Variants in SEMA3A observed in about 807,000 individuals in gnomAD.
The protein encoded by SEMA3A is semaphorin-3A.
A neutral mutation model predicts 97.9 loss-of-function variants in SEMA3A; 29 were observed. The ratio of observed to expected loss-of-function variants is 0.30; its 90% CI spans 0.22 to 0.40. The LOEUF is 0.40. SEMA3A is among the 10% of genes least tolerant of loss of function. The probability of loss-of-function intolerance (pLI) is 1.00; values close to 1 mark genes in which losing one functional copy is unlikely to be tolerated. For synonymous variants in SEMA3A, 321 were observed against 323.7 expected (o/e 0.99, Z 0.09); for missense variants, 763 against 951.3 (o/e 0.80, Z 2.60).
Position 83,961,780 on chromosome 7 carries a change from A to C in SEMA3A, c.1907T>G (p.Leu636Arg). ...HIIRTDQGLLLRSLQQKDSGN... is the reference protein window; with the variant it reads ...HIIRTDQGLLRRSLQQKDSGN... ...TGAATCCTTCTGTTGTAGACTACGTAGCAGAAGGCCTTGATCTGTCCTGAT... is the reference window on the plus strand; with the variant it reads ...TGAATCCTTCTGTTGTAGACTACGTCGCAGAAGGCCTTGATCTGTCCTGAT... The change falls in exon 17 of 17, where the codon CTA (leucine) becomes CGA (arginine). Residue 636 changes from leucine to arginine, a missense_variant. Coordinates refer to ENST00000265362, the MANE Select transcript of SEMA3A (RefSeq NM_006080.3). The C allele has an allele frequency of 6.2e-7, 1 of 1,613,994 alleles. No individual in the cohort carries two copies. Among genetic ancestry groups the C allele is most frequent in the South Asian group, 1.1e-5 (1 of 91,078 alleles).
At chr7:84,139,412 C>G (rs1188524924) in intron 1 of SEMA3A, among the ~76,000 whole-genome samples, 1 of 152,060 alleles carries the variant, frequency 6.6e-6, no homozygotes, top group African/African-American at 2.4e-5. Flanking sequence ...TTTCAGAACA[C>G]TCTTTAATAA....
intron 1 of SEMA3A, among the ~76,000 whole-genome samples, chr7:84,409,337 A>T (rs543040193): frequency 2.5e-4 from 38 of 151,852 alleles, no homozygotes; most frequent in African/African-American, 6.3e-4. Flanking sequence ...TCAATTTTTT[A>T]AAATAAAAAA....
At chr7:84,046,579 T>C (rs758872756) in intron 5 of SEMA3A, 136 bp from the exon 6 acceptor site, 112 of 891,964 alleles carry the variant, frequency 1.3e-4, no homozygotes, top group Non-Finnish European at 1.8e-4. Flanking sequence ...TGCATCATTA[T>C]GCAGTTACTT....
intron 1 of SEMA3A, among the ~76,000 whole-genome samples, chr7:84,472,875 A>T (rs1402300857): frequency 6.6e-6 from 1 of 152,174 alleles, no homozygotes; most frequent in Non-Finnish European, 1.5e-5. Context: ...ATTACCTCCC[A>T]AAGTGGCAGA....
intron 12 of SEMA3A, among the ~76,000 whole-genome samples, chr7:83,994,598 G>T (rs1431757465): frequency 7.0e-6 from 1 of 142,818 alleles, no homozygotes; most frequent in Non-Finnish European, 1.5e-5. Context: ...GTGTGCCCCT[G>T]CTGGGGGGTG....
At chr7:84,208,213 G>A (rs1323893015) in intron 3 of SEMA3A, among the ~76,000 whole-genome samples, 1 of 152,116 alleles carries the variant, frequency 6.6e-6, no homozygotes, top group Admixed American at 6.5e-5. Flanking sequence ...AGCACTTTGG[G>A]AGGCCAAGGG....
chr7:84,237,941 G>T (rs1799273647), intron 3 of SEMA3A, among the ~76,000 whole-genome samples: 2 of 152,072 alleles, frequency 1.3e-5, no homozygotes, highest in Admixed American at 1.3e-4. Flanking sequence ...ATAAAAAGAA[G>T]ACAGTACTAT....
chr7:84,037,763 T>G (rs1791993590), intron 6 of SEMA3A, among the ~76,000 whole-genome samples: 1 of 151,978 alleles, frequency 6.6e-6, no homozygotes, highest in African/African-American at 2.4e-5. Context: ...TGAATAGATT[T>G]TTAAAGTAAT....
intron 1 of SEMA3A, among the ~76,000 whole-genome samples, chr7:84,401,473 A>T (rs1009338615): frequency 1.1e-4 from 17 of 149,818 alleles, no homozygotes; most frequent in African/African-American, 4.2e-4. Context: ...AATACCAATG[A>T]TCTTGTTCAC....
At chr7:84,039,185 T>C (rs577295772) in intron 6 of SEMA3A, among the ~76,000 whole-genome samples, 17 of 152,294 alleles carry the variant, frequency 1.1e-4, no homozygotes, top group Non-Finnish European at 1.2e-4. Context: ...AATTACCCTA[T>C]ATACACTGTC....
chr7:84,194,847 T>G (rs1584111205), upstream of SEMA3A: 1 of 274,866 alleles, frequency 3.6e-6, no homozygotes, highest in Non-Finnish European at 6.7e-6. Flanking sequence ...GAGGCACAAC[T>G]GTTGTGTGGA....
chr7:84,187,010 G>A (rs1797906904), intron 1 of SEMA3A, among the ~76,000 whole-genome samples: 1 of 152,150 alleles, frequency 6.6e-6, no homozygotes. Context: ...CTCTGAGGCT[G>A]TGGAACTCAA....
intron 2 of SEMA3A, among the ~76,000 whole-genome samples, chr7:84,344,553 C>T (rs548065954): frequency 4.6e-5 from 7 of 152,104 alleles, no homozygotes; most frequent in Non-Finnish European, 1.0e-4. Flanking sequence ...GTTAGAGTCA[C>T]GAAAAAGACA....
intron 1 of SEMA3A, among the ~76,000 whole-genome samples, chr7:84,398,525 A>G (rs1259506852): frequency 2.0e-5 from 3 of 152,192 alleles, no homozygotes; most frequent in Non-Finnish European, 4.4e-5. Flanking sequence ...TGGGAAGCTG[A>G]GGCAGAAGGA....
chr7:84,479,931 G>A (rs1411267412), intron 1 of SEMA3A, among the ~76,000 whole-genome samples: 1 of 152,180 alleles, frequency 6.6e-6, no homozygotes, highest in East Asian at 1.9e-4. Context: ...AGCTAGGTTA[G>A]TGTATTAACT....
At position 83,960,820 on chromosome 7, in the gene SEMA3A, TTA is replaced by T. The variant is rs1488623741; in HGVS notation, c.*549_*550del. The T allele has an allele frequency of 8.5e-6, 1 of 117,618 alleles. No individual in the cohort carries two copies. The highest frequency in any genetic ancestry group is 3.0e-5 in the African/African-American group (1 of 32,984). The allele number at this position is 117,618 out of a possible 1,614,324, so 7.3% of individuals were successfully genotyped here. A position where few individuals can be genotyped will look rare whatever the true frequency, so the allele number is the denominator to read the frequency against. On this transcript the variant is annotated 3_prime_UTR_variant, in exon 17 of 17. Coordinates refer to ENST00000265362, the MANE Select transcript of SEMA3A (RefSeq NM_006080.3). Reference sequence around the variant, plus strand: ...ATTTTTCTTCTGGATGATGGATGGCTTATGTTTTTTTTTTTTTTTAATATTTC... The same window carrying T: ...ATTTTTCTTCTGGATGATGGATGGCTTGTTTTTTTTTTTTTTTAATATTTC...
intron 1 of SEMA3A, among the ~76,000 whole-genome samples, chr7:84,159,723 ATAGT>A (rs1041578012): frequency 3.3e-5 from 5 of 152,060 alleles, no homozygotes; most frequent in South Asian, 4.2e-4. Flanking sequence ...ATAAAAAAAA[ATAGT>A]TAGACCCTTA....
chr7:84,143,917 C>G (rs1796376941), intron 1 of SEMA3A, among the ~76,000 whole-genome samples: 1 of 125,802 alleles, frequency 7.9e-6, no homozygotes, highest in East Asian at 2.5e-4. Flanking sequence ...AGGTACTGTC[C>G]TAATCTCTCT....
chr7:84,437,549 G>A (rs1805167110), intron 1 of SEMA3A, among the ~76,000 whole-genome samples: 1 of 146,450 alleles, frequency 6.8e-6, no homozygotes. Flanking sequence ...TCATAACATT[G>A]ACTTTCTAAT....
Sources: gnomAD v4.1 joint callset for allele counts (sites outside exome capture counted in the v4.1 genomes callset) on GRCh38, gnomAD v4.1.1 for gene constraint, MANE v1.5 for transcripts, NCBI Gene and HGNC (gene_info 2026-07-23, HGNC 2026-07-21) for gene names.